The following GOSR2 variants were observed in gnomAD, a reference collection of about 807,000 sequenced individuals.
The protein encoded by GOSR2 is 27 kDa Golgi SNARE protein.
A neutral mutation model predicts 27.9 loss-of-function variants in GOSR2; 20 were observed. That is an observed-to-expected ratio of 0.72 (90% CI 0.50 to 1.04). The LOEUF is 1.04. GOSR2 is among the 50% of genes least tolerant of loss of function. The pLI is 0.00. For synonymous variants in GOSR2, 91 were observed against 98.8 expected, an observed-to-expected ratio of 0.92 and a Z score of 0.47; for missense variants, 261 against 270.5, an observed-to-expected ratio of 0.97 and a Z score of 0.25.
At chr17:46,934,906 C>T (rs1403556751) in intron 4 of GOSR2, 123 bp from the exon 5 acceptor site, 15 of 854,080 alleles carry the variant, frequency 1.8e-5, no homozygotes, top group South Asian at 5.5e-5. Flanking sequence ...CATTAGGGTC[C>T]GCTGATTCTT....
intron 6 of GOSR2, chr17:46,949,075 C>A (rs189850940): frequency 1.1e-4 from 17 of 152,368 alleles, no homozygotes; most frequent in African/African-American, 4.1e-4. Context: ...CAATAGCTCT[C>A]AGTTGCTACA....
Position 46,940,380 on chromosome 17 carries a change from G to A in GOSR2, c.*1620G>A. 1 of 1,526,952 alleles carries A rather than the reference G, an allele frequency of 6.5e-7. No homozygotes were observed. Among genetic ancestry groups the A allele is most frequent in the Non-Finnish European group, 8.8e-7 (1 of 1,141,008 alleles). 94.6% of individuals were successfully genotyped at this position (1,526,952 alleles called of 1,614,324 possible). On this transcript the variant is annotated 3_prime_UTR_variant, in exon 6 of 6. Coordinates refer to ENST00000640051, the MANE Select transcript of GOSR2 (RefSeq NM_004287.5). The stretch of plus-strand genomic sequence containing the variant: ...GCCAGAGTTAAAGCAGTGACTGGAG[G>A]GTGGACTGGGGGGTTGCAGCATCTT...
downstream of GOSR2, among the ~76,000 whole-genome samples, chr17:46,969,402 C>T (rs891717688): frequency 7.2e-5 from 11 of 152,280 alleles, no homozygotes; most frequent in East Asian, 2.1e-3. Context: ...AAGGAGGCAG[C>T]CTTCAAATGC....
intron 6 of GOSR2, among the ~76,000 whole-genome samples, chr17:46,954,137 T>TA (rs1346590715): frequency 4.6e-5 from 7 of 152,266 alleles, no homozygotes; most frequent in Admixed American, 2.6e-4. Context: ...TGGTATTGCC[T>TA]AGGTTTTCTT....
downstream of GOSR2, among the ~76,000 whole-genome samples, chr17:46,969,522 T>C (rs777326701): frequency 9.2e-5 from 14 of 152,206 alleles, no homozygotes; most frequent in Admixed American, 3.3e-4. Context: ...TTCTTATGCC[T>C]GGAGACCCTA....
chr17:46,943,490 C>T (rs1276694101), downstream of GOSR2, among the ~76,000 whole-genome samples: 3 of 152,220 alleles, frequency 2.0e-5, no homozygotes, highest in Non-Finnish European at 4.4e-5. Flanking sequence ...CACAAACACC[C>T]CCACAATCCC....
rs929106688 is a variant in GOSR2, at chr17:46,939,424, G to T, written c.*664G>T. The T allele has an allele frequency of 1.2e-5, 12 of 993,108 alleles. No individual in the cohort carries two copies. The highest frequency in any genetic ancestry group is 1.4e-5 in the Non-Finnish European group (12 of 833,594). The allele number at this position is 993,108 out of a possible 1,614,324, so 61.5% of individuals were successfully genotyped here. ...TTCTCTTTTCTAAAGTGAGGCCAGT[G>T]TTATTTCCCGGGAGTGTTCAGTCTT... On this transcript the variant is annotated 3_prime_UTR_variant, in exon 6 of 6. Coordinates refer to ENST00000640051, the MANE Select transcript of GOSR2 (RefSeq NM_004287.5).
At chr17:46,961,643 C>G (rs754499684) in intron 6 of GOSR2, among the ~76,000 whole-genome samples, 8 of 151,992 alleles carry the variant, frequency 5.3e-5, no homozygotes, top group African/African-American at 1.7e-4. Flanking sequence ...AGATGAAATA[C>G]GTCTGTAAAA....
chr17:46,962,353 G>A (rs1256245580), intron 6 of GOSR2, among the ~76,000 whole-genome samples: 1 of 150,726 alleles, frequency 6.6e-6, no homozygotes, highest in African/African-American at 2.4e-5. Flanking sequence ...GTATTGATCA[G>A]TGTAGTAGTT....
chr17:46,963,244 A>G (rs1341024957), intron 6 of GOSR2, among the ~76,000 whole-genome samples: 2 of 152,246 alleles, frequency 1.3e-5, no homozygotes, highest in Non-Finnish European at 2.9e-5. Flanking sequence ...AAAGATGATC[A>G]GTTAAGTAGG....
At chr17:46,925,270 T>G (rs929880853) in intron 1 of GOSR2, among the ~76,000 whole-genome samples, 9 of 152,238 alleles carry the variant, frequency 5.9e-5, no homozygotes, top group Admixed American at 5.9e-4. Flanking sequence ...AGTACAATTT[T>G]ATTTATCAAA....
At chr17:46,945,240 A>G (rs755676200), downstream of GOSR2, among the ~76,000 whole-genome samples, 3 of 152,160 alleles carry the variant, frequency 2.0e-5, no homozygotes, top group Non-Finnish European at 4.4e-5. Flanking sequence ...CTTCTGCACG[A>G]CATCCTCCAC....
In GOSR2 at chr17:46,942,018, C is replaced by G. The variant is rs1029672742; in HGVS notation, c.*3258C>G. On this transcript the variant is annotated 3_prime_UTR_variant, in exon 6 of 6. Coordinates refer to ENST00000640051, the MANE Select transcript of GOSR2 (RefSeq NM_004287.5). ...AAAATAAATTCTTACTGTTTATATC[C>G]TACCTTAGTCCAAAAAAGATTTGAG... 1 of 913,348 alleles carries G rather than the reference C, an allele frequency of 1.1e-6. No individual in the cohort carries two copies. The highest frequency in any genetic ancestry group is 1.3e-6 in the Non-Finnish European group (1 of 764,388). 56.6% of individuals were successfully genotyped at this position (913,348 alleles called of 1,614,324 possible).
downstream of GOSR2, among the ~76,000 whole-genome samples, chr17:46,969,873 C>A (rs1009773528): frequency 1.3e-5 from 2 of 152,184 alleles, no homozygotes; most frequent in African/African-American, 2.4e-5. Flanking sequence ...CCCTTGCCCC[C>A]TCTCTGGTGC....
In GOSR2 at chr17:46,932,115, C is replaced by T. The variant is rs1274980950; in HGVS notation, c.252C>T (p.Leu84=). 1 of 1,613,720 alleles carries T rather than the reference C, an allele frequency of 6.2e-7. No individual in the cohort carries two copies. The highest frequency in any genetic ancestry group is 1.3e-5 in the African/African-American group (1 of 74,908). The part of the protein sequence containing the change: ...KYDVQHLQTA[L]RNFQHRRHAR... ...ATGTCCAGCACCTGCAGACTGCGCT[C>T]AGAAACTTCCAGCATCGGCGCCATG... Residue 84 remains leucine (L), a synonymous_variant, in exon 4 of 6, where the codon CTC becomes CTT. Coordinates refer to ENST00000640051, the MANE Select transcript of GOSR2 (RefSeq NM_004287.5).
In GOSR2 at chr17:46,939,727, G is replaced by A; in HGVS notation, c.*967G>A. On this transcript the variant is annotated 3_prime_UTR_variant, in exon 6 of 6. Coordinates refer to ENST00000640051, the MANE Select transcript of GOSR2 (RefSeq NM_004287.5). ...GGCAGATCCCACCGTGGAGACATCTGTAGTGTGTATGTCCTTGTAACACTC... is the reference window on the plus strand; with the variant it reads ...GGCAGATCCCACCGTGGAGACATCTATAGTGTGTATGTCCTTGTAACACTC... 1 of 986,644 alleles carries A rather than the reference G, an allele frequency of 1.0e-6. No individual in the cohort carries two copies. The highest frequency in any genetic ancestry group is 1.2e-6 in the Non-Finnish European group (1 of 830,790). The allele number at this position is 986,644 out of a possible 1,614,324, so 61.1% of individuals were successfully genotyped here. A position where few individuals can be genotyped will look rare whatever the true frequency, so the allele number is the denominator to read the frequency against.
At chr17:46,948,441 C>T (rs1053863156) in intron 6 of GOSR2, 8 of 152,236 alleles carry the variant, frequency 5.3e-5, no homozygotes, top group African/African-American at 1.9e-4. Flanking sequence ...ATTTGCCAGT[C>T]AGACTTTATT....
intron 6 of GOSR2, among the ~76,000 whole-genome samples, chr17:46,973,878 C>T (rs2091418922): frequency 6.6e-6 from 1 of 152,184 alleles, no homozygotes. Context: ...GCCATTTCTG[C>T]TGTACCCGCC....
chr17:46,941,903 G>C lies in GOSR2; in HGVS notation c.*3143G>C, dbSNP rs1227991393. ...ACCTGGCCTCTAAGGTGATTCTGAT[G>C]TGTGTATTTTGGAACCACTGTCTCC... On this transcript the variant is annotated 3_prime_UTR_variant, in exon 6 of 6. Transcript: ENST00000640051. The C allele has an allele frequency of 1.4e-5, 14 of 984,278 alleles. No homozygotes were observed. The highest frequency in any genetic ancestry group is 1.7e-5 in the African/African-American group (1 of 57,188). 61.0% of individuals were successfully genotyped at this position (984,278 alleles called of 1,614,324 possible).
Sources: allele counts gnomAD v4.1 joint callset (sites outside exome capture counted in the v4.1 genomes callset), GRCh38; gene constraint gnomAD v4.1.1; transcripts MANE v1.5; gene names NCBI Gene and HGNC (gene_info 2026-07-23, HGNC 2026-07-21).